Variants in BSN observed in about 807,000 individuals in gnomAD.
The protein encoded by BSN is protein bassoon.
Under a neutral mutation model 264.8 loss-of-function variants are expected in BSN, and 57 were observed. The ratio of observed to expected loss-of-function variants is 0.22; its 90% CI spans 0.17 to 0.27. The LOEUF is 0.27. Ranked by LOEUF, BSN falls within the 10% of genes least tolerant of loss-of-function variation. BSN has a pLI of 1.00. For synonymous variants in BSN, 2,059 were observed against 2,137.3 expected (o/e 0.96, Z 1.01); for missense variants, 4,615 against 5,232.5 (o/e 0.88, Z 3.64).
In BSN at chr3:49,657,168, A is replaced by G. The variant is rs1418582959; in HGVS notation, c.7612A>G (p.Met2538Val). Residue 2538 changes from methionine (M) to valine (V), a missense_variant, in exon 5 of 12, where the codon ATG becomes GTG. This residue lies in a region of BSN where 3,415 missense variants were observed against 3,866.4 expected (regional missense o/e 0.88). Transcript: ENST00000296452. Reference protein sequence around the residue: ...HRGLPSSASDMSLQTEEQWEA... With the variant: ...HRGLPSSASDVSLQTEEQWEA... Reference sequence around the variant, plus strand: ...GGGTCTCCCCAGCTCTGCCTCAGACATGTCACTGCAAACGGAGGAGCAGTG... The same window carrying G: ...GGGTCTCCCCAGCTCTGCCTCAGACGTGTCACTGCAAACGGAGGAGCAGTG... The G allele has an allele frequency of 1.2e-6, 2 of 1,613,330 alleles. No individual in the cohort carries two copies. Among genetic ancestry groups the G allele is most frequent in the Admixed American group, 1.7e-5 (1 of 60,028 alleles).
rs267599872 is a variant in BSN at position 49,661,229 on chromosome 3, G to C, written c.9384G>C (p.Gln3128His). The C allele has an allele frequency of 1.9e-6, 3 of 1,613,526 alleles. No individual in the cohort carries two copies. The highest frequency in any genetic ancestry group is 2.5e-6 in the Non-Finnish European group (3 of 1,180,044). The part of the protein sequence containing the change: ...YAGQTPMPTT[Q>H]STLFPVPADS... Reference sequence around the variant, plus strand: ...GCCAAACACCCATGCCAACCACACAGAGCACCCTTTTTCCAGTCCCCGCTG... The same window carrying C: ...GCCAAACACCCATGCCAACCACACACAGCACCCTTTTTCCAGTCCCCGCTG... Residue 3128 changes from glutamine to histidine, a missense_variant, in exon 6 of 12, where the codon CAG becomes CAC. Physicochemically the swap from Gln to His is conservative, Grantham distance 24. Transcript: ENST00000296452.
chr3:49,590,496 C>T (rs2051970160), intron 1 of BSN, among the ~76,000 whole-genome samples: 1 of 151,732 alleles, frequency 6.6e-6, no homozygotes, highest in African/African-American at 2.4e-5. Flanking sequence ...ATTAAGTGGG[C>T]ATTTTCTAGT....
At chr3:49,639,858 C>A (rs1460980399) in intron 2 of BSN, among the ~76,000 whole-genome samples, 1 of 152,234 alleles carries the variant, frequency 6.6e-6, no homozygotes, top group Non-Finnish European at 1.5e-5. Flanking sequence ...TGAGAGAATG[C>A]CTGTGAACAT....
At chr3:49,601,100 G>A (rs779215365) in intron 1 of BSN, among the ~76,000 whole-genome samples, 56 of 152,200 alleles carry the variant, frequency 3.7e-4, no homozygotes, top group Non-Finnish European at 6.5e-4. Flanking sequence ...TAGCTCCTGC[G>A]ATATGGTCAG....
rs2052333665 is a variant in BSN at position 49,625,198 on chromosome 3, A to G, written c.448A>G (p.Ser150Gly). ...RSPSVSPDRG[S>G]TPTSPYSVPQ... Reference sequence around the variant, plus strand: ...CCCCTCAGTGTCACCGGACAGAGGCAGCACCCCCACATCACCCTACTCCGT... The same window carrying G: ...CCCCTCAGTGTCACCGGACAGAGGCGGCACCCCCACATCACCCTACTCCGT... The change falls in exon 2 of 12, where the codon AGC becomes GGC. Residue 150 changes from serine to glycine, a missense_variant. Ser to Gly is a moderately conservative substitution (Grantham distance 56). Coordinates refer to ENST00000296452, the MANE Select transcript of BSN (RefSeq NM_003458.4). The surrounding 1 kb of genome is among the most constrained non-coding windows in gnomAD (Gnocchi z 4.4). The G allele has an allele frequency of 6.4e-7, 1 of 1,558,504 alleles. No individual in the cohort carries two copies. Among genetic ancestry groups the G allele is most frequent in the Non-Finnish European group, 8.7e-7 (1 of 1,150,862 alleles).
intron 1 of BSN, among the ~76,000 whole-genome samples, chr3:49,586,646 C>T (rs1352730769): frequency 6.6e-6 from 1 of 152,216 alleles, no homozygotes; most frequent in African/African-American, 2.4e-5. Flanking sequence ...CTACCCCCAG[C>T]ACCATTTATT....
chr3:49,573,036 T>C (rs568434880), intron 1 of BSN, among the ~76,000 whole-genome samples: 1 of 152,314 alleles, frequency 6.6e-6, no homozygotes, highest in African/African-American at 2.4e-5. Context: ...CTAGGTGCAA[T>C]GCCAGGGTCT....
intron 2 of BSN, among the ~76,000 whole-genome samples, chr3:49,628,012 G>A (rs1019884503): frequency 1.3e-5 from 2 of 152,162 alleles, no homozygotes; most frequent in Non-Finnish European, 2.9e-5. Context: ...TGTGTCCAGG[G>A]CGTGTCGGCA....
intron 1 of BSN, among the ~76,000 whole-genome samples, chr3:49,618,378 GCTGTACCTTCCCTTC>G (rs2052277702): frequency 6.6e-6 from 1 of 152,190 alleles, no homozygotes; most frequent in African/African-American, 2.4e-5. Context: ...AATACCTGCT[GCTGTACCTTCCCTTC>G]CTCTTGCCAC....
chr3:49,663,602 G>T lies in BSN; in HGVS notation c.11444G>T (p.Ser3815Ile). ...PTTRGSAPAASQPAGKPQPGP... is the reference protein window; with the variant it reads ...PTTRGSAPAAIQPAGKPQPGP... Reference sequence around the variant, plus strand: ...ACCCGGGGCTCAGCCCCTGCTGCCAGCCAGCCTGCAGGGAAGCCTCAGCCA... The same window carrying T: ...ACCCGGGGCTCAGCCCCTGCTGCCATCCAGCCTGCAGGGAAGCCTCAGCCA... Residue 3815 changes from serine to isoleucine, a missense_variant, in exon 7 of 12, where the codon AGC becomes ATC. By Grantham distance (142) the Ser-to-Ile change is moderately radical. Transcript: ENST00000296452. The T allele has an allele frequency of 6.2e-7, 1 of 1,608,192 alleles. No homozygotes were observed.
At chr3:49,646,939 G>A (rs1293860895) in intron 3 of BSN, among the ~76,000 whole-genome samples, 1 of 152,190 alleles carries the variant, frequency 6.6e-6, no homozygotes, top group Non-Finnish European at 1.5e-5. Context: ...GTCAGGAGAG[G>A]AATAGCAGCA....
chr3:49,637,449 C>G (rs2052428143), intron 2 of BSN, among the ~76,000 whole-genome samples: 1 of 152,184 alleles, frequency 6.6e-6, no homozygotes, highest in African/African-American at 2.4e-5. Context: ...GATGTAGAAG[C>G]TCTTCCCAGA....
At chr3:49,611,541 A>G (rs1300987285) in intron 1 of BSN, among the ~76,000 whole-genome samples, 1 of 152,198 alleles carries the variant, frequency 6.6e-6, no homozygotes, top group Non-Finnish European at 1.5e-5. Flanking sequence ...AGGTTGGGAA[A>G]TGTGAAGAGG....
downstream of BSN, among the ~76,000 whole-genome samples, chr3:49,673,087 C>CTGTTTTTTTTTTT (rs2052846842): frequency 2.3e-5 from 1 of 43,198 alleles, no homozygotes; most frequent in East Asian, 1.3e-3. Context: ...CCGGCCGGGA[C>CTGTTTTTTTTTTT]TTTTTTTTTT....
At chr3:49,624,300 C>CTTTTTTTGTTTTTTT (rs2052326469) in intron 1 of BSN, among the ~76,000 whole-genome samples, 1 of 67,184 alleles carries the variant, frequency 1.5e-5, no homozygotes, top group Non-Finnish European at 2.7e-5. Context: ...CGTGCCCAGC[C>CTTTTTTTGTTTTTTT]TTTTTTTTTT....
In BSN at chr3:49,663,360, A is replaced by G. The variant is rs770905063; in HGVS notation, c.11202A>G (p.Ala3734=). 6 of 1,613,378 alleles carry G rather than the reference A, an allele frequency of 3.7e-6. No homozygotes were observed. The highest frequency in any genetic ancestry group is 4.2e-6 in the Non-Finnish European group (5 of 1,180,030). Residue 3734 remains alanine, a synonymous_variant, in exon 7 of 12, where the codon GCA becomes GCG. Coordinates refer to ENST00000296452, the MANE Select transcript of BSN (RefSeq NM_003458.4). ...GGCAAGCCCACTCCGGGCCCGCTGC[A>G]CTGCAGTCAAAGGCAGAACCCCAGG... is the stretch of plus-strand genomic sequence containing the variant. The part of the protein sequence containing the change: ...GSRQAHSGPA[A]LQSKAEPQAQ...
chr3:49,631,615 A>C (rs2052384709), intron 2 of BSN, among the ~76,000 whole-genome samples: 1 of 151,854 alleles, frequency 6.6e-6, no homozygotes, highest in East Asian at 1.9e-4. Context: ...TAGGCTGTAG[A>C]ATGTCAGAAT....
chr3:49,599,474 C>G (rs1415964703), intron 1 of BSN, among the ~76,000 whole-genome samples: 1 of 152,066 alleles, frequency 6.6e-6, no homozygotes, highest in African/African-American at 2.4e-5. Flanking sequence ...AAGGGGACCC[C>G]ATCTTCTTGG....
chr3:49,664,197 T>A (rs1375836871), intron 8 of BSN, among the ~76,000 whole-genome samples: 1 of 152,138 alleles, frequency 6.6e-6, no homozygotes, highest in Admixed American at 6.5e-5. Context: ...CTTCTCTGCC[T>A]TTTTTTCCCT....
Sources: gnomAD v4.1 joint callset for allele counts (sites outside exome capture counted in the v4.1 genomes callset) on GRCh38, gnomAD v4.1.1 for gene constraint, gnomAD v4.1.1 regional missense constraint, Gnocchi (gnomAD v3.1) non-coding constraint, MANE v1.5 for transcripts, NCBI Gene and HGNC (gene_info 2026-07-23, HGNC 2026-07-21) for gene names.